The following NDUFA5 variants were observed in gnomAD, a reference collection of about 807,000 sequenced individuals.
The protein encoded by NDUFA5 is NADH dehydrogenase [ubiquinone] 1 alpha subcomplex subunit 5.
A neutral mutation model predicts 19.8 loss-of-function variants in NDUFA5; 11 were observed. The observed-to-expected ratio is 0.56, with a 90% CI of 0.35 to 0.92. NDUFA5 has a LOEUF of 0.92. Ranked by LOEUF, NDUFA5 falls within the 40% of genes least tolerant of loss-of-function variation. NDUFA5 has a pLI of 0.01. For synonymous variants in NDUFA5, 47 were observed against 46.8 expected (o/e 1.00, Z -0.01); for missense variants, 109 against 134.2 (o/e 0.81, Z 0.93).
At position 123,538,144 on chromosome 7, in the gene NDUFA5, C is replaced by G. The variant is rs765401151; in HGVS notation, c.*3975G>C. 4 of 152,076 alleles carry G rather than the reference C, an allele frequency of 2.6e-5. No homozygotes were observed. The highest frequency in any genetic ancestry group is 5.9e-5 in the Non-Finnish European group (4 of 68,026). 9.4% of individuals were successfully genotyped at this position (152,076 alleles called of 1,614,324 possible). A position where few individuals can be genotyped will look rare whatever the true frequency, so the allele number is the denominator to read the frequency against. ...AATTTACCATGTTCCAATTCCCCAC[C>G]ACCACTATGGTCATGGAAATATATG... On this transcript the variant is annotated 3_prime_UTR_variant, in exon 5 of 5. Transcript: ENST00000355749.
the NDUFA5 span, among the ~76,000 whole-genome samples, chr7:123,588,597 G>T: frequency 6.1e-5 from 7 of 114,136 alleles, no homozygotes; most frequent in East Asian, 4.9e-4. Flanking sequence ...CTTCCTTTCT[G>T]TCTTTTTTCT....
At chr7:123,546,551 A>G in intron 3 of NDUFA5, 1 of 661,476 alleles carries the variant, frequency 1.5e-6, no homozygotes, top group Non-Finnish European at 2.2e-6. Context: ...GAGCTTTTTG[A>G]GCCAGAAATC....
chr7:123,575,674 C>T, the NDUFA5 span, among the ~76,000 whole-genome samples: 8 of 151,996 alleles, frequency 5.3e-5, no homozygotes, highest in Admixed American at 3.3e-4. Context: ...CTTTGAAGGA[C>T]AGCTTGACTA....
chr7:123,541,800 T>C lies in NDUFA5; in HGVS notation c.*319A>G, dbSNP rs1453107915. 1.2e-5 allele frequency: 2 copies of C among 167,202 alleles called. No homozygotes were observed. The highest frequency in any genetic ancestry group is 1.3e-4 in the Admixed American group (2 of 15,790). The allele number at this position is 167,202 out of a possible 1,614,324, so 10.4% of individuals were successfully genotyped here. ...AAATTAAATGATGTATTGAACATAC[T>C]ACTAAAGAAAGTTTACTTTTTGATT... On this transcript the variant is annotated 3_prime_UTR_variant, in exon 5 of 5. Coordinates refer to ENST00000355749, the MANE Select transcript of NDUFA5 (RefSeq NM_005000.5).
the NDUFA5 span, among the ~76,000 whole-genome samples, chr7:123,600,951 A>G: frequency 2.0e-5 from 3 of 152,184 alleles, no homozygotes; most frequent in Admixed American, 1.3e-4. Context: ...AGCAAATCCA[A>G]TGAGGGTTTG....
the NDUFA5 span, among the ~76,000 whole-genome samples, chr7:123,594,990 G>T: frequency 6.6e-6 from 1 of 152,088 alleles, no homozygotes; most frequent in Non-Finnish European, 1.5e-5. Context: ...GCATAAAACC[G>T]CCTACTCAAG....
At chr7:123,584,287 T>C in the NDUFA5 span, among the ~76,000 whole-genome samples, 1 of 134,314 alleles carries the variant, frequency 7.4e-6, no homozygotes, top group Non-Finnish European at 1.5e-5. Flanking sequence ...ACTCAGCCTG[T>C]GTGACACAGA....
the NDUFA5 span, among the ~76,000 whole-genome samples, chr7:123,590,835 C>A: frequency 2.0e-5 from 3 of 151,994 alleles, no homozygotes; most frequent in Non-Finnish European, 2.9e-5. Context: ...ATTCTGTGAA[C>A]AAAGGCAGTG....
chr7:123,586,762 T>G, the NDUFA5 span, among the ~76,000 whole-genome samples: 1 of 151,682 alleles, frequency 6.6e-6, no homozygotes, highest in Non-Finnish European at 1.5e-5. Flanking sequence ...TAATTTCATA[T>G]ATGTGGATAT....
the NDUFA5 span, among the ~76,000 whole-genome samples, chr7:123,573,824 G>C: frequency 1.3e-5 from 2 of 151,860 alleles, no homozygotes; most frequent in South Asian, 2.1e-4. Context: ...GTATGTTCCA[G>C]TTTTATTTCT....
chr7:123,598,891 A>G, the NDUFA5 span: 3 of 152,178 alleles, frequency 2.0e-5, no homozygotes, highest in Admixed American at 1.3e-4. Context: ...CTGTTGGAGG[A>G]GTTCAGTGCT....
At chr7:123,596,938 T>C in the NDUFA5 span, among the ~76,000 whole-genome samples, 2 of 152,194 alleles carry the variant, frequency 1.3e-5, no homozygotes, top group African/African-American at 2.4e-5. Context: ...TAGGCTTGGT[T>C]TATATTAAAT....
At chr7:123,549,729 G>A (rs1478452389) in intron 3 of NDUFA5, among the ~76,000 whole-genome samples, 14 of 152,230 alleles carry the variant, frequency 9.2e-5, no homozygotes, top group Non-Finnish European at 7.3e-5. Flanking sequence ...AGTGAGCTGT[G>A]ATCGTGCCAC....
chr7:123,589,588 GT>G, the NDUFA5 span, among the ~76,000 whole-genome samples: 1 of 151,962 alleles, frequency 6.6e-6, no homozygotes. Flanking sequence ...TTATGTCCTT[GT>G]GATATTTTGC....
Position 123,541,975 on chromosome 7 carries a change from T to C in NDUFA5, c.*144A>G. The C allele has an allele frequency of 2.1e-6, 1 of 474,122 alleles. No individual in the cohort carries two copies. Among genetic ancestry groups the C allele is most frequent in the Non-Finnish European group, 3.5e-6 (1 of 281,756 alleles). 29.4% of individuals were successfully genotyped at this position (474,122 alleles called of 1,614,324 possible). ...ATTGATTCACATGACCATATTACCA[T>C]AATCACCAATTTTAACAGTCTCCTA... On this transcript the variant is annotated 3_prime_UTR_variant, in exon 5 of 5. Transcript: ENST00000355749.
the NDUFA5 span, among the ~76,000 whole-genome samples, chr7:123,590,815 G>GT: frequency 3.9e-5 from 6 of 152,172 alleles, no homozygotes; most frequent in Non-Finnish European, 7.4e-5. Flanking sequence ...CTTTAAAGTA[G>GT]TTTTTTCCAA....
chr7:123,594,930 C>T, the NDUFA5 span, among the ~76,000 whole-genome samples: 1 of 152,160 alleles, frequency 6.6e-6, no homozygotes, highest in Admixed American at 6.5e-5. Context: ...GCTGAGCAGC[C>T]GTGTGCTCCA....
the NDUFA5 span, among the ~76,000 whole-genome samples, chr7:123,579,177 T>A: frequency 6.6e-6 from 1 of 152,128 alleles, no homozygotes; most frequent in Non-Finnish European, 1.5e-5. Context: ...CTGTATTAAT[T>A]CACTTAGGGT....
chr7:123,572,409 G>A, the NDUFA5 span, among the ~76,000 whole-genome samples: 2 of 151,888 alleles, frequency 1.3e-5, no homozygotes, highest in African/African-American at 4.8e-5. Flanking sequence ...AAAGTACTGG[G>A]ATTACAGGCA....
Sources: gnomAD v4.1 joint callset for allele counts (sites outside exome capture counted in the v4.1 genomes callset) on GRCh38, gnomAD v4.1.1 for gene constraint, MANE v1.5 for transcripts, NCBI Gene and HGNC (gene_info 2026-07-23, HGNC 2026-07-21) for gene names.